The following C11orf65 variants were observed in gnomAD, a reference collection of about 807,000 sequenced individuals.
The protein encoded by C11orf65 is protein MFI.
Under a neutral mutation model 35.3 loss-of-function variants are expected in C11orf65, and 38 were observed. That is an observed-to-expected ratio of 1.08 (90% CI 0.83 to 1.41). The LOEUF is 1.41. Among genes scored for constraint, C11orf65 ranks in the 40% most tolerant of loss-of-function variants. The pLI is 0.00. For missense variants in C11orf65, 370 were observed against 367.1 expected (o/e 1.01, Z -0.06); for synonymous variants, 105 against 114.4 (o/e 0.92, Z 0.53).
In C11orf65 at chr11:108,343,246, G is replaced by T. The variant is rs748634900; in HGVS notation, c.227-7954C>A. 1 of 1,613,958 alleles carries T rather than the reference G, an allele frequency of 6.2e-7. No individual in the cohort carries two copies. Among genetic ancestry groups the T allele is most frequent in the Non-Finnish European group, 8.5e-7 (1 of 1,179,912 alleles). The stretch of plus-strand genomic sequence containing the variant: ...GGTGGTTCCCCTCTCTCAGCGAAGT[G>T]GTGTTCTTGAATGGTGCACAGGAAC... On this transcript the variant is annotated intron_variant, in intron 2 of 3. Transcript: ENST00000524755.
At chr11:108,381,465 T>C (rs774122540), downstream of C11orf65, among the ~76,000 whole-genome samples, 6 of 152,220 alleles carry the variant, frequency 3.9e-5, no homozygotes, top group African/African-American at 1.2e-4. Context: ...TGTCCACTAG[T>C]AGGAAAATTC....
chr11:108,387,348 T>A (rs1447793932), intron 7 of C11orf65, among the ~76,000 whole-genome samples: 1 of 151,378 alleles, frequency 6.6e-6, no homozygotes, highest in East Asian at 2.0e-4. Flanking sequence ...ACAGACAGGG[T>A]TTCACCATGT....
At chr11:108,365,553 T>C (rs375136432) in intron 2 of C11orf65, 2 of 1,586,598 alleles carry the variant, frequency 1.3e-6, no homozygotes, top group Non-Finnish European at 8.6e-7. Context: ...TTAGAAATTA[T>C]ATTTTAGCCT....
At chr11:108,331,608 A>G in intron 3 of C11orf65, 3 of 1,439,696 alleles carry the variant, frequency 2.1e-6, no homozygotes, top group Non-Finnish European at 2.8e-6. Context: ...TTCTATTATT[A>G]CTATATATTA....
chr11:108,382,445 T>C (rs756145961), downstream of C11orf65, among the ~76,000 whole-genome samples: 1 of 151,522 alleles, frequency 6.6e-6, no homozygotes, highest in Non-Finnish European at 1.5e-5. Context: ...AAGAGAAAAA[T>C]GTAAACAAGG....
At chr11:108,400,109 G>A (rs540743532) in intron 6 of C11orf65, among the ~76,000 whole-genome samples, 3 of 152,230 alleles carry the variant, frequency 2.0e-5, no homozygotes, top group South Asian at 2.1e-4. Flanking sequence ...TCCCATTGAA[G>A]CCAGCTTGTT....
chr11:108,313,018 G>T lies in C11orf65; in HGVS notation c.641-3947C>A, dbSNP rs117480449. Reference sequence around the variant, plus strand: ...CTCTCATCTTCTCTTCTATGCCGCTGCTTTCAGCCTGCCTCCTACTTGGAG... The same window carrying T: ...CTCTCATCTTCTCTTCTATGCCGCTTCTTTCAGCCTGCCTCCTACTTGGAG... On this transcript the variant is annotated intron_variant, in intron 6 of 6. Coordinates refer to the C11orf65 transcript ENST00000525729. 3.3e-3 allele frequency among the ~76,000 whole-genome samples: 500 copies of T among 152,224 alleles called. 1 individual carries two copies. Among genetic ancestry groups the T allele is most frequent in the Middle Eastern group, 6.8e-3 (2 of 294 alleles).
chr11:108,315,658 T>TGAACTGTATTTCA (rs1280986257), intron 6 of C11orf65, among the ~76,000 whole-genome samples: 1 of 152,250 alleles, frequency 6.6e-6, no homozygotes, highest in Non-Finnish European at 1.5e-5. Context: ...TCGTGTTGTT[T>TGAACTGTATTTCA]GAACTGTATT....
chr11:108,379,477 G>A (rs1215762046), downstream of C11orf65, among the ~76,000 whole-genome samples: 3 of 132,508 alleles, frequency 2.3e-5, no homozygotes, highest in East Asian at 5.4e-4. Flanking sequence ...GGACTGTTGT[G>A]GGGTGGGGGG....
At chr11:108,385,161 C>T (rs1003810209) in intron 8 of C11orf65, among the ~76,000 whole-genome samples, 5 of 152,122 alleles carry the variant, frequency 3.3e-5, no homozygotes, top group South Asian at 2.1e-4. Flanking sequence ...GCAACCTCCG[C>T]CTCCCTGTTC....
At chr11:108,464,083 C>T (rs1647911610) in intron 1 of C11orf65, among the ~76,000 whole-genome samples, 1 of 151,174 alleles carries the variant, frequency 6.6e-6, no homozygotes, top group Admixed American at 6.6e-5. Context: ...TGTGCCACCA[C>T]GCCTGGCTAA....
At chr11:108,417,567 AC>A (rs66468208) in intron 3 of C11orf65, among the ~76,000 whole-genome samples, 87,234 of 148,144 alleles carry the variant, frequency 0.59, 25,684 homozygotes, top group Middle Eastern at 0.75. Flanking sequence ...AAACAAACAA[AC>A]AAAAAAAAAC....
At chr11:108,374,652 G>A (rs1286747707) in intron 2 of C11orf65, among the ~76,000 whole-genome samples, 1 of 152,244 alleles carries the variant, frequency 6.6e-6, no homozygotes, top group East Asian at 1.9e-4. Context: ...ACTTTGACGA[G>A]TTGAGAGAAG....
At chr11:108,419,082 T>C (rs2092780034) in intron 3 of C11orf65, among the ~76,000 whole-genome samples, 1 of 152,180 alleles carries the variant, frequency 6.6e-6, no homozygotes, top group Non-Finnish European at 1.5e-5. Context: ...ACACTCAATG[T>C]GAAAAAGAAA....
Position 108,405,535 on chromosome 11 carries a change from C to A in C11orf65, c.454G>T (p.Val152Leu), listed in dbSNP as rs187607761. Residue 152 changes from valine (V) to leucine (L), a missense_variant, in exon 6 of 9, where the codon GTG (valine) becomes TTG (leucine). Val to Leu is a conservative substitution (Grantham distance 32). Transcript: ENST00000393084. ...TCACTTTCCTTTTTGTCTTCCACCA[C>A]CATACCATCAGTAGATAGCCAAAAC... ...DTFWLSTDGMVVEDKKESEFH... is the reference protein window; with the variant it reads ...DTFWLSTDGMLVEDKKESEFH... The A allele has an allele frequency of 8.1e-6, 13 of 1,613,346 alleles. No individual in the cohort carries two copies. In the Admixed American group the frequency reaches 2.2e-4, roughly 27 times the overall value.
rs2136220927 is a variant in C11orf65 at position 108,320,010 on chromosome 11, T to TA, written c.641-10940dup. 1 of 1,612,264 alleles carries TA rather than the reference T, an allele frequency of 6.2e-7. No homozygotes were observed. The highest frequency in any genetic ancestry group is 8.5e-7 in the Non-Finnish European group (1 of 1,178,442). On this transcript the variant is annotated intron_variant, in intron 6 of 6. Transcript: ENST00000525729. ...TCATTGTACAATGCTCTACAATCTC[T>TA]AAGAGACAGAGAATTCTCTACATTT...
intron 3 of C11orf65, chr11:108,332,644 AATC>A: frequency 9.1e-7 from 1 of 1,098,748 alleles, no homozygotes; most frequent in South Asian, 1.4e-5. Flanking sequence ...GAGGAATTAT[AATC>A]ATTCCATTGT....
At chr11:108,317,341 CT>C (rs2084766740) in intron 6 of C11orf65, 5 of 1,600,704 alleles carry the variant, frequency 3.1e-6, no homozygotes, top group Non-Finnish European at 3.4e-6. Flanking sequence ...TCTTTGATTA[CT>C]TAACTTAAAA....
intron 3 of C11orf65, among the ~76,000 whole-genome samples, chr11:108,408,683 T>TAAAATAAAATAAAATAAAATAAA (rs2092594432): frequency 2.7e-5 from 2 of 72,830 alleles, no homozygotes; most frequent in Non-Finnish European, 5.8e-5. Context: ...ATAAATAAAA[T>TAAAATAAAATAAAATAAAATAAA]AAAATAAAAT....
Sources: allele counts gnomAD v4.1 joint callset (sites outside exome capture counted in the v4.1 genomes callset), GRCh38; gene constraint gnomAD v4.1.1; transcripts MANE v1.5; gene names NCBI Gene and HGNC (gene_info 2026-07-23, HGNC 2026-07-21).